F8: variants seen among roughly 807,000 people sequenced by gnomAD.
F8 encodes antihemophilic factor.
A neutral mutation model predicts 140.6 loss-of-function variants in F8; 12 were observed. That is an observed-to-expected ratio of 0.09 (90% confidence interval 0.05 to 0.14). F8 has a LOEUF of 0.14. F8 is among the 10% of genes least tolerant of loss of function. The pLI is 1.00. For synonymous variants in F8, 585 were observed against 614.6 expected, an observed-to-expected ratio of 0.95 and a Z score of 0.71; for missense variants, 1,354 against 1,720.7, an observed-to-expected ratio of 0.79 and a Z score of 3.77.
At chrX:154,900,812 G>A (rs2073005932) in intron 20 of F8, among the ~76,000 whole-genome samples, 1 of 112,012 alleles carries the variant, frequency 8.9e-6, no homozygotes, top group Non-Finnish European at 1.9e-5. Flanking sequence ...TGCTGCTGTA[G>A]CCATAGATGA....
intron 6 of F8, among the ~76,000 whole-genome samples, chrX:154,982,502 T>C (rs1346989219): frequency 1.9e-5 from 2 of 107,174 alleles, no homozygotes; most frequent in African/African-American, 6.8e-5. Context: ...TATATACATA[T>C]ACATGTTGAT....
chrX:154,911,676 A>G (rs1603433219), intron 14 of F8, among the ~76,000 whole-genome samples: 1 of 111,893 alleles, frequency 8.9e-6, no homozygotes, highest in South Asian at 3.7e-4. Context: ...TTGGTGTGCA[A>G]CTATCTCTTT....
At chrX:154,853,978 G>A (rs1423597359) in intron 25 of F8, among the ~76,000 whole-genome samples, 1 of 111,393 alleles carries the variant, frequency 9.0e-6, no homozygotes, top group African/African-American at 3.3e-5. Flanking sequence ...GTGGTATTAA[G>A]TATACTCACA....
Position 154,931,216 on chromosome X carries a change from T to C in F8, c.2574A>G (p.Pro858=), listed in dbSNP as rs1167851712. 2 of 1,208,271 alleles carry C rather than the reference T, an allele frequency of 1.7e-6. No homozygotes were observed. Among genetic ancestry groups the C allele is most frequent in the Non-Finnish European group, 2.2e-6 (2 of 893,882 alleles). ...CCATGTCCCCACTGTGATGGAGCTGTGGCCTGAAGTGTGTCATTTCAGACA... is the reference window on the plus strand; with the variant it reads ...CCATGTCCCCACTGTGATGGAGCTGCGGCCTGAAGTGTGTCATTTCAGACA... ...NSLSEMTHFR[P]QLHHSGDMVF... Residue 858 remains proline, a synonymous_variant, in exon 14 of 26, where the codon CCA becomes CCG. Coordinates refer to ENST00000360256, the MANE Select transcript of F8 (RefSeq NM_000132.4).
In F8 at chrX:155,017,674, G is replaced by A. The variant is rs782280068; in HGVS notation, c.143+4736C>T. Among the ~76,000 whole-genome samples the A allele has an allele frequency of 2.0e-3, 217 of 110,941 alleles. 1 individual carries two copies. Among genetic ancestry groups the A allele is most frequent in the African/African-American group, 6.6e-3 (201 of 30,467 alleles). Reference sequence around the variant, plus strand: ...TTGTCAATTATACCACAATAAAGCTGGGGTGGGGTGGGATAGAATTACCTG... The same window carrying A: ...TTGTCAATTATACCACAATAAAGCTAGGGTGGGGTGGGATAGAATTACCTG... On this transcript the variant is annotated intron_variant, in intron 1 of 25. Transcript: ENST00000360256.
In F8 at chrX:154,905,041, CAA is replaced by C. The variant is rs782086610; in HGVS notation, c.5374-20_5374-19del. 6.4e-4 allele frequency: 585 copies of C among 907,710 alleles called. No homozygotes were observed. The highest frequency in any genetic ancestry group is 7.2e-4 in the Non-Finnish European group (473 of 658,505). 74.8% of individuals were successfully genotyped at this position (907,710 alleles called of 1,213,427 possible). ...AAAGTTACCTGTAGAACAATAACGA[CAA>C]AAAAAAAAAAGCAAGAATAATCTTC... On this transcript the variant is annotated intron_variant, in intron 15 of 25. Transcript: ENST00000360256.
At chrX:154,893,212 T>C (rs2072957291) in intron 22 of F8, among the ~76,000 whole-genome samples, 1 of 112,414 alleles carries the variant, frequency 8.9e-6, no homozygotes, top group South Asian at 3.7e-4. Flanking sequence ...CTTCCATCTA[T>C]TGATTTCGGT....
chrX:154,880,824 G>A (rs1370063393), intron 22 of F8, among the ~76,000 whole-genome samples: 13 of 111,487 alleles, frequency 1.2e-4, no homozygotes, highest in Non-Finnish European at 1.9e-4. Flanking sequence ...AATATTTCTC[G>A]TTGGTGTTGT....
intron 9 of F8, among the ~76,000 whole-genome samples, chrX:154,965,405 G>C (rs1316658176): frequency 9.0e-6 from 1 of 111,265 alleles, no homozygotes; most frequent in Non-Finnish European, 1.9e-5. Flanking sequence ...TTAAACCACT[G>C]TCCATTGAGT....
intron 22 of F8, among the ~76,000 whole-genome samples, chrX:154,876,366 A>G (rs1237298067): frequency 8.2e-5 from 9 of 110,298 alleles, no homozygotes; most frequent in East Asian, 2.8e-4. Flanking sequence ...TGATCCGCCC[A>G]CCTCGGCCTC....
At chrX:154,972,708 T>TGTC (rs2073464176) in intron 6 of F8, among the ~76,000 whole-genome samples, 1 of 38,165 alleles carries the variant, frequency 2.6e-5, no homozygotes, top group Non-Finnish European at 4.1e-5. Context: ...TCTGTCTTTC[T>TGTC]TTTTTTTTTT....
intron 22 of F8, among the ~76,000 whole-genome samples, chrX:154,873,806 T>A (rs1443921254): frequency 9.0e-6 from 1 of 111,555 alleles, no homozygotes; most frequent in Non-Finnish European, 1.9e-5. Flanking sequence ...AAGAAAGAAA[T>A]TGGGCCCTTT....
At chrX:154,958,935 T>C (rs2073380262) in intron 10 of F8, among the ~76,000 whole-genome samples, 1 of 111,562 alleles carries the variant, frequency 9.0e-6, no homozygotes, top group Non-Finnish European at 1.9e-5. Flanking sequence ...TTATAACCAG[T>C]CTGTCTGCCC....
chrX:154,930,347 A>G lies in F8; in HGVS notation c.3443T>C (p.Leu1148Ser). ...AGATTTTTCTGGTCCTAAGGATACT[A>G]ATTGCTTTGGACTGGGGCCTTGCCC... ...NSGQGPSPKQ[L>S]VSLGPEKSVE... The change falls in exon 14 of 26, where the codon TTA (leucine) becomes TCA (serine). Residue 1148 changes from leucine to serine, a missense_variant. Leu to Ser is a moderately radical substitution (Grantham distance 145). Transcript: ENST00000360256. The G allele has an allele frequency of 1.7e-6, 2 of 1,210,263 alleles. No individual in the cohort carries two copies. The highest frequency in any genetic ancestry group is 2.3e-4 in the Middle Eastern group (1 of 4,349).
Position 154,903,911 on chromosome X carries a change from T to A in F8, c.5993A>T (p.Tyr1998Phe), listed in dbSNP as rs2073022685. ...GAGCACAAACAAGCTCATACCTGGA[T>A]AGAGATTGTACAGTGCCATTTTATA... is the stretch of plus-strand genomic sequence containing the variant. ...EEYKMALYNLYPGVFETVEML... is the reference protein window; with the variant it reads ...EEYKMALYNLFPGVFETVEML... Residue 1998 changes from tyrosine (Y) to phenylalanine (F), a missense_variant, in exon 18 of 26, where the codon TAT becomes TTT. By Grantham distance (22) the Tyr-to-Phe change is conservative. Coordinates refer to ENST00000360256, the MANE Select transcript of F8 (RefSeq NM_000132.4). 2 of 1,206,839 alleles carry A rather than the reference T, an allele frequency of 1.7e-6. No individual in the cohort carries two copies. Among genetic ancestry groups the A allele is most frequent in the Non-Finnish European group, 2.2e-6 (2 of 891,126 alleles).
intron 14 of F8, among the ~76,000 whole-genome samples, chrX:154,916,982 T>C (rs1557277158): frequency 9.0e-6 from 1 of 111,063 alleles, no homozygotes; most frequent in Non-Finnish European, 1.9e-5. Flanking sequence ...TGGTATGTTG[T>C]TTCCATTTTC....
intron 2 of F8, 32 bp from the exon 3 acceptor site, chrX:154,997,127 T>C (rs1430041434): frequency 8.3e-7 from 1 of 1,207,628 alleles, no homozygotes; most frequent in Admixed American, 2.2e-5. Flanking sequence ...CAAAGGTTAC[T>C]TGGGGATAGT....
At chrX:154,882,031 C>A (rs1216504830) in intron 22 of F8, 1 of 281,340 alleles carries the variant, frequency 3.6e-6, no homozygotes, top group Non-Finnish European at 6.1e-6. Flanking sequence ...GAATTGTAAT[C>A]CCCACCTGTT....
chrX:154,853,619 T>C (rs965471101), intron 25 of F8, among the ~76,000 whole-genome samples: 1 of 111,868 alleles, frequency 8.9e-6, no homozygotes, highest in Non-Finnish European at 1.9e-5. Context: ...ATAATATTTA[T>C]CTGCAACTTC....
Sources: allele counts gnomAD v4.1 joint callset (sites outside exome capture counted in the v4.1 genomes callset), GRCh38; gene constraint gnomAD v4.1.1; transcripts MANE v1.5; gene names NCBI Gene and HGNC (gene_info 2026-07-23, HGNC 2026-07-21).